Variants in CCSER1 observed in about 807,000 individuals in gnomAD.
The protein encoded by CCSER1 is coiled-coil serine rich protein 1.
In CCSER1, 41 loss-of-function variants were observed where a neutral mutation model predicts 82.0. That is an observed-to-expected ratio of 0.50 (90% CI 0.39 to 0.65). The LOEUF (loss-of-function observed/expected upper bound fraction) is 0.65, where lower values mean the gene tolerates loss of function less well. Ranked by LOEUF, CCSER1 falls within the 30% of genes least tolerant of loss-of-function variation. CCSER1 has a pLI of 0.00. For synonymous variants in CCSER1, 414 were observed against 383.9 expected (o/e 1.08, Z -0.92); for missense variants, 1,119 against 1,064.2 (o/e 1.05, Z -0.72).
At chr4:90,674,472 G>A (rs1203124604) in intron 6 of CCSER1, among the ~76,000 whole-genome samples, 3 of 151,862 alleles carry the variant, frequency 2.0e-5, no homozygotes, top group African/African-American at 7.2e-5. Context: ...TGTAAAAGAG[G>A]GGAGGAGAGA....
At chr4:90,912,487 TA>T (rs1726560261) in intron 8 of CCSER1, among the ~76,000 whole-genome samples, 3 of 152,096 alleles carry the variant, frequency 2.0e-5, no homozygotes, top group Non-Finnish European at 4.4e-5. Context: ...ACCCCATCTA[TA>T]CGTCACCATC....
At chr4:90,157,568 C>T (rs1007580232) in intron 1 of CCSER1, among the ~76,000 whole-genome samples, 74 of 152,084 alleles carry the variant, frequency 4.9e-4, no homozygotes, top group Non-Finnish European at 7.2e-4. Context: ...AGGCTTTGTT[C>T]GTTTCTTTTT....
intron 9 of CCSER1, among the ~76,000 whole-genome samples, chr4:91,076,396 T>C (rs1722003576): frequency 6.6e-6 from 1 of 152,192 alleles, no homozygotes; most frequent in East Asian, 1.9e-4. Context: ...CTTTGAAGAA[T>C]CATGATGATT....
intron 10 of CCSER1, among the ~76,000 whole-genome samples, chr4:91,217,516 T>C (rs1029465403): frequency 3.3e-5 from 5 of 152,068 alleles, no homozygotes; most frequent in African/African-American, 9.7e-5. Flanking sequence ...CTGATTGTTG[T>C]GTTTACAAAC....
chr4:90,943,729 ATTTTTTTTTTTTTTTTTTTTT>A (rs70965460), intron 9 of CCSER1, among the ~76,000 whole-genome samples: 1 of 68,852 alleles, frequency 1.5e-5, no homozygotes, highest in Non-Finnish European at 2.6e-5. Flanking sequence ...TGCCAGGCTA[ATTTTTTTTTTTTTTTTTTTTT>A]TTTTTTTTGG....
Position 90,442,018 on chromosome 4 carries a change from G to A in CCSER1, c.1604-26216G>A, listed in dbSNP as rs894158991. 2.6e-5 allele frequency among the ~76,000 whole-genome samples: 4 copies of A among 152,106 alleles called. 1 individual carries two copies. The highest frequency in any genetic ancestry group is 4.2e-4 in the South Asian group (2 of 4,814). ...TCCTGTGGAACCTCTGTCTACTCTC[G>A]GCCCTATGAACTAATCTCTATATTA... On this transcript the variant is annotated intron_variant, in intron 4 of 10. Coordinates refer to ENST00000509176, the MANE Select transcript of CCSER1 (RefSeq NM_001145065.2).
intron 10 of CCSER1, among the ~76,000 whole-genome samples, chr4:91,416,341 G>T (rs1560654143): frequency 6.8e-6 from 1 of 146,340 alleles, no homozygotes; most frequent in South Asian, 2.1e-4. Flanking sequence ...CACAGAATTA[G>T]AAAAAAAAAA....
At chr4:91,333,102 C>T (rs1578209512) in intron 10 of CCSER1, among the ~76,000 whole-genome samples, 2 of 151,988 alleles carry the variant, frequency 1.3e-5, no homozygotes, top group African/African-American at 4.8e-5. Context: ...CTTCGCGAAA[C>T]ATCTGCAGAA....
At chr4:90,505,989 A>G (rs987828423) in intron 5 of CCSER1, among the ~76,000 whole-genome samples, 1 of 152,154 alleles carries the variant, frequency 6.6e-6, no homozygotes, top group Non-Finnish European at 1.5e-5. Flanking sequence ...TATCTCTGTA[A>G]TACACTTACA....
chr4:90,559,565 A>G (rs563181601), intron 5 of CCSER1, among the ~76,000 whole-genome samples: 74 of 152,230 alleles, frequency 4.9e-4, no homozygotes, highest in African/African-American at 1.5e-3. Context: ...TCACACCTGT[A>G]GTCCCAGCAC....
intron 10 of CCSER1, among the ~76,000 whole-genome samples, chr4:91,382,757 C>T (rs542460586): frequency 6.6e-6 from 1 of 152,212 alleles, no homozygotes; most frequent in Non-Finnish European, 1.5e-5. Context: ...GAACCTGGTA[C>T]CTCAGTTAGA....
chr4:90,575,695 A>T (rs1414405486), intron 5 of CCSER1, among the ~76,000 whole-genome samples: 1 of 151,166 alleles, frequency 6.6e-6, no homozygotes, highest in African/African-American at 2.4e-5. Context: ...ACTTTCCTCA[A>T]ATTTTTTTTT....
chr4:91,520,413 C>A (rs1760394349), intron 10 of CCSER1, among the ~76,000 whole-genome samples: 1 of 151,698 alleles, frequency 6.6e-6, no homozygotes, highest in Admixed American at 6.6e-5. Flanking sequence ...AAAACTGTTT[C>A]AATATAGTTT....
intron 5 of CCSER1, among the ~76,000 whole-genome samples, chr4:90,539,689 T>C (rs1775865791): frequency 6.6e-6 from 1 of 152,122 alleles, no homozygotes; most frequent in East Asian, 1.9e-4. Context: ...AAGTAAGATT[T>C]ACTTTCTGTC....
intron 10 of CCSER1, among the ~76,000 whole-genome samples, chr4:91,447,876 G>T (rs925211526): frequency 9.9e-5 from 15 of 152,074 alleles, no homozygotes; most frequent in African/African-American, 3.6e-4. Context: ...CAGCATGCTT[G>T]TGTCTTTAAT....
intron 5 of CCSER1, among the ~76,000 whole-genome samples, chr4:90,532,824 TGTACTTTGA>T (rs1365148049): frequency 2.0e-4 from 30 of 152,288 alleles, no homozygotes; most frequent in African/African-American, 6.5e-4. Context: ...TAGATCGACT[TGTACTTTGA>T]GTAGCTTCCT....
chr4:91,440,943 A>C (rs1247360416), intron 10 of CCSER1, among the ~76,000 whole-genome samples: 1 of 152,080 alleles, frequency 6.6e-6, no homozygotes, highest in African/African-American at 2.4e-5. Flanking sequence ...CTCTGAATAG[A>C]CCAATAACAG....
chr4:91,018,490 T>C (rs1739635959), intron 9 of CCSER1, among the ~76,000 whole-genome samples: 1 of 152,162 alleles, frequency 6.6e-6, no homozygotes, highest in East Asian at 1.9e-4. Flanking sequence ...GGCAGAGTCA[T>C]CTTAGCTAAA....
At chr4:90,429,122 G>A (rs1355988361) in intron 4 of CCSER1, among the ~76,000 whole-genome samples, 3 of 151,568 alleles carry the variant, frequency 2.0e-5, no homozygotes, top group African/African-American at 2.4e-5. Context: ...CTATCAGCTC[G>A]CTTATTTTGT....
Sources: allele counts gnomAD v4.1 joint callset (sites outside exome capture counted in the v4.1 genomes callset), GRCh38; gene constraint gnomAD v4.1.1; transcripts MANE v1.5; gene names NCBI Gene and HGNC (gene_info 2026-07-23, HGNC 2026-07-21).